CFTR: variants seen among roughly 807,000 people sequenced by gnomAD.
CFTR encodes the protein CF transmembrane conductance regulator, also known as cystic fibrosis transmembrane conductance regulator.
In CFTR, 181 loss-of-function variants were observed where a neutral mutation model predicts 171.6. That is an observed-to-expected ratio of 1.05 (90% CI 0.93 to 1.19). CFTR has a LOEUF of 1.19. CFTR is among the 50% of genes most tolerant of loss of function. CFTR has a pLI of 0.00. For missense variants in CFTR, 1,968 were observed against 1,734.7 expected, an observed-to-expected ratio of 1.13 and a Z score of -2.39; for synonymous variants, 583 against 608.0, an observed-to-expected ratio of 0.96 and a Z score of 0.60.
intron 24 of CFTR, among the ~76,000 whole-genome samples, chr7:117,655,862 C>T (rs1315054594): frequency 6.6e-6 from 1 of 152,084 alleles, no homozygotes; most frequent in Non-Finnish European, 1.5e-5. Context: ...GCTGTGTTCT[C>T]ACTGTGTTGT....
At chr7:117,533,966 CA>C (rs1490217257) in intron 4 of CFTR, among the ~76,000 whole-genome samples, 2 of 151,968 alleles carry the variant, frequency 1.3e-5, no homozygotes, top group African/African-American at 4.8e-5. Flanking sequence ...TAAAACAAAA[CA>C]AAAAACTCCC....
At chr7:117,600,944 A>T (rs1237102224) in intron 15 of CFTR, among the ~76,000 whole-genome samples, 1 of 152,060 alleles carries the variant, frequency 6.6e-6, no homozygotes, top group Non-Finnish European at 1.5e-5. Flanking sequence ...TACTCAATAG[A>T]AGCAGTTTAG....
At chr7:117,661,702 G>C (rs1793289050) in intron 24 of CFTR, among the ~76,000 whole-genome samples, 1 of 152,074 alleles carries the variant, frequency 6.6e-6, no homozygotes, top group African/African-American at 2.4e-5. Context: ...AGTTGCCCAG[G>C]CTCCAATAAT....
chr7:117,502,946 A>C (rs1798355575), intron 1 of CFTR, among the ~76,000 whole-genome samples: 1 of 152,192 alleles, frequency 6.6e-6, no homozygotes, highest in African/African-American at 2.4e-5. Context: ...AATGAAGGAC[A>C]AGTTGTAGAG....
chr7:117,595,172 T>C, intron 15 of CFTR, 114 bp downstream of exon 15: 1 of 778,904 alleles, frequency 1.3e-6, no homozygotes, highest in Non-Finnish European at 2.2e-6. Context: ...CATGTATACA[T>C]GTATAAGTAT....
At chr7:117,546,997 T>G (rs1799157993) in intron 9 of CFTR, among the ~76,000 whole-genome samples, 1 of 152,246 alleles carries the variant, frequency 6.6e-6, no homozygotes, top group Non-Finnish European at 1.5e-5. Flanking sequence ...CATTGCAATA[T>G]TAATTCGTTT....
At chr7:117,616,604 A>G (rs1042775942) in intron 21 of CFTR, among the ~76,000 whole-genome samples, 3 of 152,134 alleles carry the variant, frequency 2.0e-5, no homozygotes, top group Admixed American at 2.0e-4. Flanking sequence ...TTCAATCTCC[A>G]TGAAAGTTTC....
At chr7:117,635,178 T>C (rs1191867702) in intron 22 of CFTR, among the ~76,000 whole-genome samples, 1 of 152,154 alleles carries the variant, frequency 6.6e-6, no homozygotes, top group Non-Finnish European at 1.5e-5. Context: ...TTTTGGAGCA[T>C]GACCCATTTA....
chr7:117,598,289 G>A (rs1792170115), intron 15 of CFTR, among the ~76,000 whole-genome samples: 1 of 152,154 alleles, frequency 6.6e-6, no homozygotes, highest in African/African-American at 2.4e-5. Flanking sequence ...ACACCCCTGG[G>A]TATGTCCTAA....
In CFTR at chr7:117,610,521, G is replaced by C. The variant is rs1800111; in HGVS notation, c.2991G>C (p.Leu997Phe). The C allele has an allele frequency of 1.8e-3, 2,937 of 1,611,990 alleles. 9 individuals carry two copies. The highest frequency in any genetic ancestry group is 7.9e-3 in the Middle Eastern group (48 of 6,048). Residue 997 changes from leucine to phenylalanine, a missense_variant and splice_region_variant, in exon 19 of 27, where the codon TTG (leucine) becomes TTC (phenylalanine). Leu to Phe is a conservative substitution (Grantham distance 22). Transcript: ENST00000003084. ...ACATGTTTTCTTTGATCTTACAGTT[G>C]TTATTAATTGTGATTGGAGCTATAG... ...LPLTIFDFIQ[L>F]LLIVIGAIAV...
At chr7:117,610,755 A>T in intron 19 of CFTR, 86 bp downstream of exon 19, 3 of 1,477,154 alleles carry the variant, frequency 2.0e-6, no homozygotes, top group Non-Finnish European at 2.8e-6. Flanking sequence ...ACTTAAAAAA[A>T]ATTCTGCTTT....
At chr7:117,597,408 T>A (rs1254675080) in intron 15 of CFTR, among the ~76,000 whole-genome samples, 1 of 152,228 alleles carries the variant, frequency 6.6e-6, no homozygotes, top group Non-Finnish European at 1.5e-5. Context: ...AGAAAATGGA[T>A]GTCCAACCCT....
intron 24 of CFTR, among the ~76,000 whole-genome samples, chr7:117,653,237 C>T (rs186039184): frequency 9.9e-5 from 15 of 152,262 alleles, no homozygotes; most frequent in African/African-American, 2.6e-4. Flanking sequence ...ATACCTGGCG[C>T]GACAAGTACT....
At chr7:117,553,706 A>T (rs375072719) in intron 10 of CFTR, among the ~76,000 whole-genome samples, 21 of 152,332 alleles carry the variant, frequency 1.4e-4, no homozygotes, top group East Asian at 9.6e-4. Context: ...CTCTCTATAT[A>T]AAGTGATCCT....
chr7:117,629,550 C>T (rs1792706601), intron 22 of CFTR, among the ~76,000 whole-genome samples: 1 of 152,172 alleles, frequency 6.6e-6, no homozygotes, highest in African/African-American at 2.4e-5. Flanking sequence ...GATTGGTTAA[C>T]ATTGGATTAA....
chr7:117,481,965 T>G (rs1798006534), intron 1 of CFTR, among the ~76,000 whole-genome samples: 1 of 152,216 alleles, frequency 6.6e-6, no homozygotes. Context: ...GAGACTGTCA[T>G]AGGGGTTAAT....
In CFTR at chr7:117,587,773, T is replaced by C. The variant is rs1562906305; in HGVS notation, c.1619T>C (p.Val540Ala). The C allele has an allele frequency of 6.2e-7, 1 of 1,611,974 alleles. No homozygotes were observed. Among genetic ancestry groups the C allele is most frequent in the East Asian group, 2.2e-5 (1 of 44,806 alleles). The change falls in exon 12 of 27, where the codon GTT (valine) becomes GCT (alanine). Residue 540 changes from valine to alanine, a missense_variant. Val to Ala is a moderately conservative substitution (Grantham distance 64, BLOSUM62 0). Coordinates refer to ENST00000003084, the MANE Select transcript of CFTR (RefSeq NM_000492.4). ...ISKFAEKDNI[V>A]LGEGGITLSG... ...AAGTTTGCAGAGAAAGACAATATAG[T>C]TCTTGGAGAAGGTGGAATCACACTG...
At chr7:117,608,683 A>G (rs577910330) in intron 18 of CFTR, among the ~76,000 whole-genome samples, 1 of 152,286 alleles carries the variant, frequency 6.6e-6, no homozygotes, top group East Asian at 1.9e-4. Context: ...ATTTTGTTAA[A>G]TAATTAATCA....
At chr7:117,641,082 A>G (rs546158403) in intron 22 of CFTR, among the ~76,000 whole-genome samples, 1 of 152,288 alleles carries the variant, frequency 6.6e-6, no homozygotes, top group South Asian at 2.1e-4. Context: ...TTAACATTTG[A>G]TTGATCTGAT....
Sources: allele counts gnomAD v4.1 joint callset (sites outside exome capture counted in the v4.1 genomes callset), GRCh38; gene constraint gnomAD v4.1.1; transcripts MANE v1.5; gene names NCBI Gene and HGNC (gene_info 2026-07-23, HGNC 2026-07-21).